OR2L13: variants seen among roughly 807,000 people sequenced by gnomAD.
The protein encoded by OR2L13 is olfactory receptor family 2 subfamily L member 13.
OR2L13 carries 14 observed loss-of-function variants against 15.3 expected under a neutral mutation model. The ratio of observed to expected loss-of-function variants is 0.91; its 90% CI spans 0.60 to 1.43. OR2L13 has a LOEUF of 1.43. Among genes scored for constraint, OR2L13 ranks in the 40% most tolerant of loss-of-function variants. The pLI is 0.00. For missense variants in OR2L13, 367 were observed against 387.9 expected (o/e 0.95, Z 0.45); for synonymous variants, 152 against 142.9 (o/e 1.06, Z -0.45).
chr1:247,995,619 CAT>C, the OR2L13 span, among the ~76,000 whole-genome samples: 1 of 152,156 alleles, frequency 6.6e-6, no homozygotes, highest in Non-Finnish European at 1.5e-5. Context: ...ATTAATGAAA[CAT>C]ATTTTACTAT....
At chr1:248,084,419 G>GAAGT in the OR2L13 span, 5 of 1,609,344 alleles carry the variant, frequency 3.1e-6, no homozygotes, top group Admixed American at 3.3e-5. Context: ...GGCTCAGGAG[G>GAAGT]AAGTACATGG....
the OR2L13 span, among the ~76,000 whole-genome samples, chr1:248,052,708 G>A: frequency 6.6e-6 from 1 of 151,996 alleles, no homozygotes; most frequent in South Asian, 2.1e-4. Flanking sequence ...TCCAGCCTGG[G>A]CGACAGAGTG....
chr1:247,942,734 A>T, the OR2L13 span, among the ~76,000 whole-genome samples: 6 of 152,184 alleles, frequency 3.9e-5, no homozygotes, highest in Non-Finnish European at 8.8e-5. Flanking sequence ...AATATATATA[A>T]GAGAAACACC....
At chr1:247,944,623 G>A in the OR2L13 span, among the ~76,000 whole-genome samples, 43 of 152,142 alleles carry the variant, frequency 2.8e-4, no homozygotes, top group African/African-American at 1.0e-3. Flanking sequence ...CCATGTCCCT[G>A]CAAAGGACAT....
the OR2L13 span, among the ~76,000 whole-genome samples, chr1:248,067,576 C>T: frequency 6.6e-5 from 10 of 152,286 alleles, no homozygotes; most frequent in South Asian, 2.1e-4. Flanking sequence ...ATGCAGAAGA[C>T]GGGTGATTTC....
the OR2L13 span, among the ~76,000 whole-genome samples, chr1:248,026,484 T>C: frequency 6.6e-6 from 1 of 152,210 alleles, no homozygotes; most frequent in African/African-American, 2.4e-5. Context: ...GTTGCTATGA[T>C]TGTAGCCTTC....
chr1:247,990,413 C>G, the OR2L13 span: 2 of 1,584,570 alleles, frequency 1.3e-6, no homozygotes, highest in Non-Finnish European at 1.7e-6. Context: ...TTCTCATCTT[C>G]TTGGACATCC....
chr1:247,952,863 A>G, the OR2L13 span, among the ~76,000 whole-genome samples: 1 of 152,168 alleles, frequency 6.6e-6, no homozygotes, highest in East Asian at 1.9e-4. Flanking sequence ...TGGGGAAATC[A>G]TTCCATCTCT....
the OR2L13 span, among the ~76,000 whole-genome samples, chr1:248,054,836 T>G: frequency 1.3e-5 from 2 of 152,206 alleles, no homozygotes; most frequent in East Asian, 3.9e-4. Context: ...TTAAGAAGCC[T>G]TTGGGCTGAG....
chr1:247,965,272 ATATT>A, the OR2L13 span: 6 of 1,338,868 alleles, frequency 4.5e-6, no homozygotes, highest in African/African-American at 4.5e-5. Flanking sequence ...ATGTAAGTGA[ATATT>A]TATTTCTGAA....
chr1:248,051,557 G>A, the OR2L13 span, among the ~76,000 whole-genome samples: 2 of 152,062 alleles, frequency 1.3e-5, no homozygotes, highest in Non-Finnish European at 2.9e-5. Context: ...CATAAAGATG[G>A]GAACAGTAGA....
At chr1:248,057,871 A>G in the OR2L13 span, among the ~76,000 whole-genome samples, 2 of 152,154 alleles carry the variant, frequency 1.3e-5, no homozygotes, top group Non-Finnish European at 2.9e-5. Flanking sequence ...TTTATTTATT[A>G]TTTATCCTAA....
the OR2L13 span, among the ~76,000 whole-genome samples, chr1:248,085,031 A>G: frequency 6.6e-6 from 1 of 152,196 alleles, no homozygotes; most frequent in African/African-American, 2.4e-5. Flanking sequence ...AGATTATAGG[A>G]CAATAAAACA....
chr1:248,099,789 G>T (rs778438420), exon 3 of OR2L13: 4 of 1,614,124 alleles, frequency 2.5e-6, no homozygotes, highest in Non-Finnish European at 3.4e-6. Flanking sequence ...TGAGTAAAAT[G>T]ATGTGTGTGA....
chr1:247,986,189 C>T, the OR2L13 span, among the ~76,000 whole-genome samples: 1 of 140,816 alleles, frequency 7.1e-6, no homozygotes, highest in Non-Finnish European at 1.5e-5. Context: ...TTGCCAATGC[C>T]TATGTGTCCT....
At chr1:248,034,862 G>C in the OR2L13 span, among the ~76,000 whole-genome samples, 1 of 152,190 alleles carries the variant, frequency 6.6e-6, no homozygotes, top group Non-Finnish European at 1.5e-5. Flanking sequence ...CAAATTGTGG[G>C]TGTATAGGAG....
the OR2L13 span, among the ~76,000 whole-genome samples, chr1:247,938,422 A>G: frequency 6.6e-6 from 1 of 152,214 alleles, no homozygotes; most frequent in African/African-American, 2.4e-5. Context: ...TAAAAATCCG[A>G]ATAGCAAGAT....
At chr1:247,946,611 T>C in the OR2L13 span, among the ~76,000 whole-genome samples, 1 of 152,318 alleles carries the variant, frequency 6.6e-6, no homozygotes, top group South Asian at 2.1e-4. Flanking sequence ...TTCCAGTTTT[T>C]CCCCATATTT....
At chr1:248,066,442 T>A in the OR2L13 span, among the ~76,000 whole-genome samples, 1 of 152,332 alleles carries the variant, frequency 6.6e-6, no homozygotes, top group African/African-American at 2.4e-5. Flanking sequence ...TACTTGCCTT[T>A]AAAATCTGGA....
Sources: gnomAD v4.1 joint callset for allele counts (sites outside exome capture counted in the v4.1 genomes callset) on GRCh38, gnomAD v4.1.1 for gene constraint, MANE v1.5 for transcripts, NCBI Gene and HGNC (gene_info 2026-07-23, HGNC 2026-07-21) for gene names.